UVRAG: variants seen among roughly 807,000 people sequenced by gnomAD.
The protein encoded by UVRAG is UV radiation resistance associated.
In UVRAG, 19 loss-of-function variants were observed where a neutral mutation model predicts 78.0. The ratio of observed to expected loss-of-function variants is 0.24; its 90% CI spans 0.17 to 0.36. UVRAG has a LOEUF of 0.36. UVRAG is among the 10% of genes least tolerant of loss of function. The pLI is 1.00. For missense variants in UVRAG, 740 were observed against 853.8 expected (o/e 0.87, Z 1.66); for synonymous variants, 323 against 324.6 (o/e 1.00, Z 0.05).
At chr11:75,898,030 G>A (rs905706358) in intron 5 of UVRAG, among the ~76,000 whole-genome samples, 21 of 150,684 alleles carry the variant, frequency 1.4e-4, no homozygotes, top group African/African-American at 4.9e-4. Flanking sequence ...CACCACGCCC[G>A]GCTAATTTTT....
intron 1 of UVRAG, among the ~76,000 whole-genome samples, chr11:75,828,731 G>GTGTGTA (rs1555069621): frequency 7.2e-5 from 8 of 110,808 alleles, no homozygotes; most frequent in African/African-American, 2.6e-4. Flanking sequence ...ATGTGTGTGT[G>GTGTGTA]TATATATATA....
intron 7 of UVRAG, among the ~76,000 whole-genome samples, chr11:75,977,251 T>G (rs1949263280): frequency 6.6e-6 from 1 of 152,242 alleles, no homozygotes. Flanking sequence ...TTATAATTTC[T>G]GTTCTTTTAC....
rs117705765 is a variant in UVRAG at position 76,000,879 on chromosome 11, G to A, written c.827-3126G>A. On this transcript the variant is annotated intron_variant, in intron 8 of 14. Coordinates refer to ENST00000356136, the MANE Select transcript of UVRAG (RefSeq NM_003369.4). Reference sequence around the variant, plus strand: ...TTTTAATACAGATAAAGCAAAAATAGATAGAACTGAAAGGAGAAATAAGCA... The same window carrying A: ...TTTTAATACAGATAAAGCAAAAATAAATAGAACTGAAAGGAGAAATAAGCA... Among the ~76,000 whole-genome samples, 160 of 152,242 alleles carry A rather than the reference G, an allele frequency of 1.1e-3. 1 individual carries two copies. The East Asian group carries it at 0.026, about 25-fold the overall frequency.
intron 12 of UVRAG, among the ~76,000 whole-genome samples, chr11:76,038,068 G>A (rs1950571249): frequency 6.6e-6 from 1 of 151,840 alleles, no homozygotes; most frequent in Non-Finnish European, 1.5e-5. Context: ...ATTATCTATT[G>A]GTTCTAGAAG....
intron 12 of UVRAG, among the ~76,000 whole-genome samples, chr11:76,022,234 A>C (rs1371533728): frequency 6.6e-6 from 1 of 152,208 alleles, no homozygotes; most frequent in Non-Finnish European, 1.5e-5. Flanking sequence ...CCTGGAGAAC[A>C]TTCTACATGC....
intron 6 of UVRAG, among the ~76,000 whole-genome samples, chr11:75,924,843 A>G (rs1402066801): frequency 6.6e-6 from 1 of 152,218 alleles, no homozygotes; most frequent in Non-Finnish European, 1.5e-5. Flanking sequence ...TTAATAGAGA[A>G]TGGAAATGTA....
chr11:75,915,033 CAGGAG>C (rs1348215653), intron 6 of UVRAG: 1 of 152,046 alleles, frequency 6.6e-6, no homozygotes, highest in Non-Finnish European at 1.5e-5. Context: ...TGCCTGAGGT[CAGGAG>C]TTTGAGACCA....
chr11:76,079,258 AG>A (rs958426936), intron 13 of UVRAG, among the ~76,000 whole-genome samples: 1 of 152,134 alleles, frequency 6.6e-6, no homozygotes, highest in African/African-American at 2.4e-5. Flanking sequence ...CCAAGGCAGG[AG>A]GATCACTTGA....
chr11:75,840,242 A>G (rs1279614509), intron 1 of UVRAG, among the ~76,000 whole-genome samples: 1 of 152,070 alleles, frequency 6.6e-6, no homozygotes, highest in Non-Finnish European at 1.5e-5. Flanking sequence ...GTTCTTTAGT[A>G]AGATCATATA....
At chr11:75,819,711 C>G (rs1945344037) in intron 1 of UVRAG, among the ~76,000 whole-genome samples, 1 of 151,312 alleles carries the variant, frequency 6.6e-6, no homozygotes, top group African/African-American at 2.4e-5. Context: ...GCTCATGCCT[C>G]TAATACCAGC....
At chr11:75,922,386 T>C (rs1165808619) in intron 6 of UVRAG, among the ~76,000 whole-genome samples, 1 of 152,172 alleles carries the variant, frequency 6.6e-6, no homozygotes, top group African/African-American at 2.4e-5. Context: ...GAAAATCTTA[T>C]TTATATTTAG....
chr11:75,884,475 T>C (rs1000789413), intron 4 of UVRAG, among the ~76,000 whole-genome samples: 15 of 152,212 alleles, frequency 9.9e-5, no homozygotes, highest in African/African-American at 1.9e-4. Context: ...GTGTCTTATC[T>C]TTGCCTAACC....
At chr11:76,094,834 A>C (rs1271314034) in intron 13 of UVRAG, among the ~76,000 whole-genome samples, 1 of 152,178 alleles carries the variant, frequency 6.6e-6, no homozygotes, top group East Asian at 1.9e-4. Context: ...AGGGATTATC[A>C]ACTGTAGAGT....
At chr11:75,855,015 G>A (rs563716638) in intron 2 of UVRAG, among the ~76,000 whole-genome samples, 3 of 152,102 alleles carry the variant, frequency 2.0e-5, no homozygotes, top group East Asian at 3.9e-4. Flanking sequence ...AGTACTTAGC[G>A]CATTTTGGGA....
intron 4 of UVRAG, among the ~76,000 whole-genome samples, chr11:75,888,463 A>G (rs1377133182): frequency 6.6e-6 from 1 of 152,196 alleles, no homozygotes; most frequent in African/African-American, 2.4e-5. Flanking sequence ...TGTTAAAAAA[A>G]AATACTTTTA....
At chr11:76,130,485 T>C (rs964254580) in intron 14 of UVRAG, among the ~76,000 whole-genome samples, 1 of 152,230 alleles carries the variant, frequency 6.6e-6, no homozygotes, top group Non-Finnish European at 1.5e-5. Context: ...TTTAGGAGTA[T>C]AGGGGACTAC....
intron 2 of UVRAG, among the ~76,000 whole-genome samples, chr11:75,857,808 A>G (rs1387365918): frequency 6.7e-6 from 1 of 149,862 alleles, no homozygotes; most frequent in African/African-American, 2.5e-5. Context: ...TTTCCTTTCA[A>G]TTCTGCTCCT....
intron 1 of UVRAG, among the ~76,000 whole-genome samples, chr11:75,829,864 A>G (rs1393117828): frequency 6.6e-6 from 1 of 152,218 alleles, no homozygotes; most frequent in Non-Finnish European, 1.5e-5. Context: ...TTTTGAGACG[A>G]AGTCTCACTC....
intron 12 of UVRAG, among the ~76,000 whole-genome samples, chr11:76,026,505 T>G (rs1380597144): frequency 1.3e-5 from 2 of 152,174 alleles, no homozygotes; most frequent in African/African-American, 4.8e-5. Context: ...CTTCCAGAAA[T>G]GGGGAATTTT....
Sources: allele counts gnomAD v4.1 joint callset (sites outside exome capture counted in the v4.1 genomes callset), GRCh38; gene constraint gnomAD v4.1.1; transcripts MANE v1.5; gene names NCBI Gene and HGNC (gene_info 2026-07-23, HGNC 2026-07-21).